Variants in SPATA4 observed in about 807,000 individuals in gnomAD.
The protein encoded by SPATA4 is spermatogenesis associated 4.
Under a neutral mutation model 31.8 loss-of-function variants are expected in SPATA4, and 35 were observed. The observed-to-expected ratio is 1.10, with a 90% CI of 0.84 to 1.46. The LOEUF (loss-of-function observed/expected upper bound fraction) is 1.46. SPATA4 is among the 40% of genes most tolerant of loss of function. The pLI, the probability that SPATA4 is intolerant of heterozygous loss-of-function variation, is 0.00. For synonymous variants in SPATA4, 126 were observed against 132.4 expected (o/e 0.95, Z 0.33); for missense variants, 394 against 363.1 (o/e 1.09, Z -0.69).
rs190081344 is a variant in SPATA4 at position 176,188,654 on chromosome 4, G to A, written c.689-419C>T. Among the ~76,000 whole-genome samples the A allele has an allele frequency of 1.3e-3, 194 of 152,186 alleles. 1 individual carries two copies. Among genetic ancestry groups the A allele is most frequent in the Admixed American group, 8.8e-3 (135 of 15,290 alleles). On this transcript the variant is annotated intron_variant, in intron 4 of 5. Transcript: ENST00000280191. ...TATTCTAAAAGGAAAATGCTATCCTGACTTCTATCATTATAGGTTAGTTTT... is the reference window on the plus strand; with the variant it reads ...TATTCTAAAAGGAAAATGCTATCCTAACTTCTATCATTATAGGTTAGTTTT...
intron 5 of SPATA4, among the ~76,000 whole-genome samples, chr4:176,186,216 T>A (rs978882079): frequency 3.3e-5 from 5 of 152,234 alleles, no homozygotes; most frequent in African/African-American, 1.2e-4. Context: ...CTCTTTCTTA[T>A]ACTGGAAGGA....
intron 5 of SPATA4, among the ~76,000 whole-genome samples, chr4:176,186,709 A>T (rs551544996): frequency 6.6e-6 from 1 of 152,334 alleles, no homozygotes; most frequent in South Asian, 2.1e-4. Flanking sequence ...CCACCAAACA[A>T]AGCAAAACCA....
intron 4 of SPATA4, among the ~76,000 whole-genome samples, chr4:176,191,301 G>A (rs1188426053): frequency 6.6e-6 from 1 of 152,108 alleles, no homozygotes; most frequent in Admixed American, 6.5e-5. Context: ...TCACCATGTT[G>A]GTCAGGCTGG....
At chr4:176,186,245 T>TACTACTC (rs1276129198) in intron 5 of SPATA4, among the ~76,000 whole-genome samples, 1 of 152,230 alleles carries the variant, frequency 6.6e-6, no homozygotes, top group Non-Finnish European at 1.5e-5. Context: ...TGTGACTCAT[T>TACTACTC]ACTACTCTTT....
At chr4:176,194,480 A>G (rs1243036375) in intron 1 of SPATA4, 1 of 152,094 alleles carries the variant, frequency 6.6e-6, no homozygotes, top group Non-Finnish European at 1.5e-5. Context: ...TGTAGTATCC[A>G]CAGTTGCCAT....
rs1752565789 is a variant in SPATA4 at position 176,193,514 on chromosome 4, G to A, written c.287C>T (p.Ser96Leu). 2 of 1,613,694 alleles carry A rather than the reference G, an allele frequency of 1.2e-6. No homozygotes were observed. Among genetic ancestry groups the A allele is most frequent in the African/African-American group, 1.3e-5 (1 of 75,048 alleles). Residue 96 changes from serine (S) to leucine (L), a missense_variant, in exon 2 of 6, where the codon TCA becomes TTA. Ser to Leu is a moderately radical substitution (Grantham distance 145). Coordinates refer to ENST00000280191, the MANE Select transcript of SPATA4 (RefSeq NM_144644.4). The part of the protein sequence containing the change: ...CIYYPWELEL[S>L]SFENGTSLKV... Reference sequence around the variant, plus strand: ...TAAAGAGGTCCCGTTTTCAAAGGATGATAATTCAAGTTCCCAGGGGTAATA... The same window carrying A: ...TAAAGAGGTCCCGTTTTCAAAGGATAATAATTCAAGTTCCCAGGGGTAATA...
chr4:176,192,623 T>G lies in SPATA4; in HGVS notation c.688+4A>C, dbSNP rs375262348. 5 of 1,613,214 alleles carry G rather than the reference T, an allele frequency of 3.1e-6. No individual in the cohort carries two copies. Among genetic ancestry groups the G allele is most frequent in the Non-Finnish European group, 4.2e-6 (5 of 1,179,378 alleles). On this transcript the variant is annotated splice_donor_region_variant and intron_variant, in intron 4 of 5. Coordinates refer to ENST00000280191, the MANE Select transcript of SPATA4 (RefSeq NM_144644.4). ...GAACTCAGCTGTTTCAAAGGAAAAC[T>G]TACCTGGATTCAATTTTCTGCCTAA...
At chr4:176,195,322 C>A in intron 1 of SPATA4, 23 bp downstream of exon 1, 1 of 1,613,100 alleles carries the variant, frequency 6.2e-7, no homozygotes, top group Non-Finnish European at 8.5e-7. Context: ...CCGGGGGGGC[C>A]TAGGACTGGC....
At chr4:176,190,600 T>C (rs891289117) in intron 4 of SPATA4, among the ~76,000 whole-genome samples, 1 of 152,216 alleles carries the variant, frequency 6.6e-6, no homozygotes, top group Non-Finnish European at 1.5e-5. Context: ...ATGCAGTTTC[T>C]TATGTTTGCA....
intron 4 of SPATA4, among the ~76,000 whole-genome samples, chr4:176,190,199 A>C (rs1752506465): frequency 6.6e-6 from 1 of 152,094 alleles, no homozygotes; most frequent in Non-Finnish European, 1.5e-5. Context: ...TCTGCCTTTT[A>C]GTTTTTACTT....
At chr4:176,191,807 T>A (rs980153272) in intron 4 of SPATA4, among the ~76,000 whole-genome samples, 1 of 152,130 alleles carries the variant, frequency 6.6e-6, no homozygotes, top group African/African-American at 2.4e-5. Context: ...ACCTAAAATA[T>A]CCATCTCACA....
chr4:176,190,722 C>G (rs1425793668), intron 4 of SPATA4, among the ~76,000 whole-genome samples: 1 of 152,178 alleles, frequency 6.6e-6, no homozygotes, highest in Non-Finnish European at 1.5e-5. Flanking sequence ...GTAGCAATAG[C>G]AGGTTGAGAC....
chr4:176,185,649 C>T (rs1752429366), intron 5 of SPATA4, among the ~76,000 whole-genome samples: 1 of 152,114 alleles, frequency 6.6e-6, no homozygotes, highest in South Asian at 2.1e-4. Context: ...TTACTCTACT[C>T]TCTTATCAGA....
chr4:176,190,719 T>C (rs969013602), intron 4 of SPATA4, among the ~76,000 whole-genome samples: 2 of 152,202 alleles, frequency 1.3e-5, no homozygotes, highest in Non-Finnish European at 2.9e-5. Context: ...CTTGTAGCAA[T>C]AGCAGGTTGA....
At chr4:176,190,295 A>C (rs1046424329) in intron 4 of SPATA4, among the ~76,000 whole-genome samples, 2 of 152,200 alleles carry the variant, frequency 1.3e-5, no homozygotes, top group Non-Finnish European at 2.9e-5. Flanking sequence ...CACTTTAATC[A>C]ATTTAAACTT....
Position 176,193,050 on chromosome 4 carries a change from T to C in SPATA4, c.375A>G (p.Leu125=). ...TTGTTCCATGGATTAGTTCTTTAGG[T>C]AATTTAAATTTTTTTCTTGCCAGGA... is the stretch of plus-strand genomic sequence containing the variant. ...EKFLARKKFK[L]PKELIHGTIH... Residue 125 remains leucine, a synonymous_variant, in exon 3 of 6, where the codon TTA becomes TTG. Coordinates refer to ENST00000280191, the MANE Select transcript of SPATA4 (RefSeq NM_144644.4). 6.3e-7 allele frequency: 1 copy of C among 1,594,542 alleles called. No homozygotes were observed. The highest frequency in any genetic ancestry group is 8.5e-7 in the Non-Finnish European group (1 of 1,174,688).
chr4:176,190,389 G>C (rs1279844570), intron 4 of SPATA4, among the ~76,000 whole-genome samples: 1 of 152,176 alleles, frequency 6.6e-6, no homozygotes, highest in Non-Finnish European at 1.5e-5. Context: ...TATGAAGCTT[G>C]TATTTGATTT....
In SPATA4 at chr4:176,188,184, G is replaced by A; in HGVS notation, c.740C>T (p.Pro247Leu). 1 of 1,613,230 alleles carries A rather than the reference G, an allele frequency of 6.2e-7. No individual in the cohort carries two copies. The highest frequency in any genetic ancestry group is 8.5e-7 in the Non-Finnish European group (1 of 1,179,706). The part of the protein sequence containing the change: ...TVGEVTLNHL[P>L]AQASGRRYNL... ...ATATCTGCGCCCAGAGGCTTGGGCA[G>A]GAAGGTGATTGAGAGTAACTTCTCC... Residue 247 changes from proline (P) to leucine (L), a missense_variant, in exon 5 of 6, where the codon CCT becomes CTT. Pro to Leu is a moderately conservative substitution (Grantham distance 98). Transcript: ENST00000280191.
At chr4:176,190,093 ATAATC>A (rs1752504672) in intron 4 of SPATA4, among the ~76,000 whole-genome samples, 1 of 152,198 alleles carries the variant, frequency 6.6e-6, no homozygotes, top group Admixed American at 6.5e-5. Flanking sequence ...TACAATGTCT[ATAATC>A]TATAGATAAC....
Sources: allele counts gnomAD v4.1 joint callset (sites outside exome capture counted in the v4.1 genomes callset), GRCh38; gene constraint gnomAD v4.1.1; transcripts MANE v1.5; gene names NCBI Gene and HGNC (gene_info 2026-07-23, HGNC 2026-07-21).